Variants in MAP4K4 observed in about 807,000 individuals in gnomAD.
MAP4K4 encodes the protein HPK/GCK-like kinase HGK.
In MAP4K4, 38 loss-of-function variants were observed where a neutral mutation model predicts 189.6. That is an observed-to-expected ratio of 0.20 (90% CI 0.15 to 0.26). MAP4K4 has a LOEUF of 0.26. MAP4K4 is among the 10% of genes least tolerant of loss of function. The pLI is 1.00. For synonymous variants in MAP4K4, 610 were observed against 624.3 expected (o/e 0.98, Z 0.34); for missense variants, 1,054 against 1,726.9 (o/e 0.61, Z 6.91).
intron 3 of MAP4K4, among the ~76,000 whole-genome samples, chr2:101,819,224 G>A (rs941955523): frequency 7.9e-5 from 12 of 151,990 alleles, no homozygotes; most frequent in Non-Finnish European, 1.8e-4. Context: ...GGTGGTGGTG[G>A]TATGTGTGTA....
At chr2:101,836,637 A>T (rs115182440) in intron 9 of MAP4K4, among the ~76,000 whole-genome samples, 1 of 152,134 alleles carries the variant, frequency 6.6e-6, no homozygotes, top group Non-Finnish European at 1.5e-5. Context: ...ATTTCCTCAC[A>T]TGTAGTAGGA....
intron 2 of MAP4K4, among the ~76,000 whole-genome samples, chr2:101,788,381 G>T (rs147030903): frequency 4.6e-5 from 7 of 152,174 alleles, no homozygotes; most frequent in South Asian, 2.1e-4. Flanking sequence ...TAGAACGGGG[G>T]CGAAGCACCT....
At chr2:101,737,825 C>G (rs2061093467) in intron 2 of MAP4K4, among the ~76,000 whole-genome samples, 1 of 152,138 alleles carries the variant, frequency 6.6e-6, no homozygotes, top group South Asian at 2.1e-4. Flanking sequence ...TCTCCCCCCT[C>G]TTTCTCCCTC....
chr2:101,846,654 G>A (rs897521690), intron 12 of MAP4K4, among the ~76,000 whole-genome samples: 2 of 152,198 alleles, frequency 1.3e-5, no homozygotes, highest in African/African-American at 4.8e-5. Context: ...GTGAATGTCT[G>A]TGAAAACAAC....
At chr2:101,774,090 A>G (rs1393478716) in intron 2 of MAP4K4, among the ~76,000 whole-genome samples, 2 of 152,202 alleles carry the variant, frequency 1.3e-5, no homozygotes, top group African/African-American at 4.8e-5. Flanking sequence ...CAGTGGGATT[A>G]CTGGATCATA....
chr2:101,803,282 T>G (rs1181418373), intron 3 of MAP4K4, among the ~76,000 whole-genome samples: 1 of 150,982 alleles, frequency 6.6e-6, no homozygotes, highest in African/African-American at 2.4e-5. Flanking sequence ...TGTGTGTGTG[T>G]TTGTGTGTGT....
chr2:101,831,590 GATC>G (rs2096596871), intron 6 of MAP4K4, 128 bp from the exon 7 acceptor site: 3 of 972,546 alleles, frequency 3.1e-6, no homozygotes, highest in Non-Finnish European at 1.6e-6. Context: ...CCTTGAGCAG[GATC>G]GCATATTCAT....
intron 2 of MAP4K4, among the ~76,000 whole-genome samples, chr2:101,738,132 G>A (rs1023530551): frequency 3.3e-5 from 5 of 152,034 alleles, no homozygotes; most frequent in African/African-American, 9.7e-5. Context: ...AAAGTCACCC[G>A]CTACATCCCC....
intron 2 of MAP4K4, among the ~76,000 whole-genome samples, chr2:101,749,983 T>G (rs2067855475): frequency 7.1e-6 from 1 of 141,132 alleles, no homozygotes; most frequent in African/African-American, 2.9e-5. Flanking sequence ...CCAGTTAGAA[T>G]GGCAATCATT....
chr2:101,804,163 C>A (rs371281844), intron 3 of MAP4K4, among the ~76,000 whole-genome samples: 10 of 152,136 alleles, frequency 6.6e-5, no homozygotes, highest in African/African-American at 2.2e-4. Context: ...AGACTCTCTC[C>A]CTTGATTTTT....
At chr2:101,768,745 T>C (rs550204913) in intron 2 of MAP4K4, among the ~76,000 whole-genome samples, 1 of 152,224 alleles carries the variant, frequency 6.6e-6, no homozygotes, top group Non-Finnish European at 1.5e-5. Flanking sequence ...TCTCCAACAG[T>C]CTAAATCTAA....
intron 2 of MAP4K4, among the ~76,000 whole-genome samples, chr2:101,785,239 A>G (rs997610892): frequency 2.0e-5 from 3 of 152,206 alleles, no homozygotes; most frequent in East Asian, 1.9e-4. Context: ...CAAAAGTTTT[A>G]TGATTCTGGA....
At chr2:101,844,931 A>C (rs563212443) in intron 12 of MAP4K4, among the ~76,000 whole-genome samples, 1 of 152,196 alleles carries the variant, frequency 6.6e-6, no homozygotes, top group East Asian at 1.9e-4. Flanking sequence ...CTTAAAGTAA[A>C]ATAAAATAAA....
chr2:101,740,133 A>G (rs530805566), intron 2 of MAP4K4, among the ~76,000 whole-genome samples: 1 of 151,250 alleles, frequency 6.6e-6, no homozygotes, highest in Admixed American at 6.6e-5. Context: ...TCTTGGCTTC[A>G]AAGTTGCTTT....
intron 2 of MAP4K4, among the ~76,000 whole-genome samples, chr2:101,775,117 C>T (rs982516815): frequency 6.0e-5 from 9 of 151,176 alleles, no homozygotes; most frequent in Non-Finnish European, 1.0e-4. Flanking sequence ...AGGACAACCC[C>T]GGATCAATCT....
At chr2:101,742,744 A>G (rs562704515) in intron 2 of MAP4K4, among the ~76,000 whole-genome samples, 2 of 152,300 alleles carry the variant, frequency 1.3e-5, no homozygotes, top group South Asian at 4.1e-4. Context: ...GAGAGAGAAT[A>G]TTGACTACTT....
chr2:101,764,987 A>T (rs1246830059), intron 2 of MAP4K4, among the ~76,000 whole-genome samples: 1 of 152,254 alleles, frequency 6.6e-6, no homozygotes, highest in African/African-American at 2.4e-5. Flanking sequence ...GTAATATACC[A>T]TTATCAGATG....
intron 3 of MAP4K4, among the ~76,000 whole-genome samples, chr2:101,820,674 A>G (rs2095997186): frequency 6.6e-6 from 1 of 152,156 alleles, no homozygotes; most frequent in Non-Finnish European, 1.5e-5. Context: ...ACCGTGTGCT[A>G]AGTCTTTTCA....
At chr2:101,830,295 T>C (rs1205906856) in intron 6 of MAP4K4, among the ~76,000 whole-genome samples, 2 of 152,148 alleles carry the variant, frequency 1.3e-5, no homozygotes, top group Admixed American at 6.5e-5. Flanking sequence ...GTGACTTCAT[T>C]GTAGTAGGTG....
Sources: allele counts gnomAD v4.1 joint callset (sites outside exome capture counted in the v4.1 genomes callset), GRCh38; gene constraint gnomAD v4.1.1; transcripts MANE v1.5; gene names NCBI Gene and HGNC (gene_info 2026-07-23, HGNC 2026-07-21).